COL23A1: variants seen among roughly 807,000 people sequenced by gnomAD.
The protein encoded by COL23A1 is collagen type XXIII alpha 1 chain.
In COL23A1, 97 loss-of-function variants were observed where a neutral mutation model predicts 99.3. That is an observed-to-expected ratio of 0.98 (90% confidence interval 0.83 to 1.16). The LOEUF (loss-of-function observed/expected upper bound fraction) is 1.16. COL23A1 is among the 50% of genes most tolerant of loss of function. The probability of loss-of-function intolerance (pLI) is 0.00; values close to 1 mark genes in which losing one functional copy is unlikely to be tolerated. For synonymous variants in COL23A1, 320 were observed against 308.2 expected, an observed-to-expected ratio of 1.04 and a Z score of -0.40; for missense variants, 762 against 757.4, an observed-to-expected ratio of 1.01 and a Z score of -0.07.
At position 178,517,382 on chromosome 5, in the gene COL23A1, C is replaced by G. The variant is rs149629197; in HGVS notation, c.361+43300G>C. Among the ~76,000 whole-genome samples the G allele has an allele frequency of 1.7e-3, 252 of 152,212 alleles. 2 individuals are homozygous for G. The highest frequency in any genetic ancestry group is 0.015 in the Admixed American group (236 of 15,288). ...TGCTCCCCTGAGATCTGTCTATACACGGGCACTGTGGAGGGAGAGGGCCCA... is the reference window on the plus strand; with the variant it reads ...TGCTCCCCTGAGATCTGTCTATACAGGGGCACTGTGGAGGGAGAGGGCCCA... On this transcript the variant is annotated intron_variant, in intron 2 of 28. Transcript: ENST00000390654.
At chr5:178,419,686 G>A (rs537587285) in intron 2 of COL23A1, among the ~76,000 whole-genome samples, 1 of 152,256 alleles carries the variant, frequency 6.6e-6, no homozygotes, top group African/African-American at 2.4e-5. Context: ...GAAGGACTCA[G>A]TACTTCTATA....
chr5:178,275,815 G>C (rs1264713894), intron 5 of COL23A1, among the ~76,000 whole-genome samples: 3 of 152,154 alleles, frequency 2.0e-5, no homozygotes, highest in Non-Finnish European at 4.4e-5. Context: ...ACATCCTGCT[G>C]ATTTCAGCCC....
intron 2 of COL23A1, among the ~76,000 whole-genome samples, chr5:178,454,326 CA>C (rs2127876064): frequency 6.6e-6 from 1 of 152,296 alleles, no homozygotes; most frequent in African/African-American, 2.4e-5. Flanking sequence ...CAACTCAGAT[CA>C]AAAAGTGAAC....
chr5:178,460,021 C>T (rs991470778), intron 2 of COL23A1, among the ~76,000 whole-genome samples: 5 of 152,084 alleles, frequency 3.3e-5, no homozygotes, highest in Admixed American at 2.6e-4. Context: ...TTTATATTTT[C>T]TGTTTTCTAT....
At position 178,439,458 on chromosome 5, in the gene COL23A1, A is replaced by C. The variant is rs1766744070; in HGVS notation, c.361+121224T>G. 2 of 152,240 alleles carry C rather than the reference A, an allele frequency of 1.3e-5. No homozygotes were observed. Among genetic ancestry groups the C allele is most frequent in the Non-Finnish European group, 2.9e-5 (2 of 68,118 alleles). 9.4% of individuals were successfully genotyped at this position (152,240 alleles called of 1,614,324 possible). On this transcript the variant is annotated intron_variant, in intron 2 of 28. Coordinates refer to ENST00000390654, the MANE Select transcript of COL23A1 (RefSeq NM_173465.4). This position sits in a 1 kb window ranked among gnomAD's most constrained non-coding sequence, Gnocchi z 4.2. ...GAGCCGGAGCTTTAGCCTAGGACCC[A>C]GACTTCTCCCTCCTGCCTCTTCCTT...
intron 5 of COL23A1, among the ~76,000 whole-genome samples, chr5:178,272,182 C>G (rs375990074): frequency 6.6e-6 from 1 of 152,360 alleles, no homozygotes; most frequent in South Asian, 2.1e-4. Flanking sequence ...GGCAGCTCGT[C>G]CCCCGGGACA....
At chr5:178,558,937 C>T (rs889920895) in intron 2 of COL23A1, among the ~76,000 whole-genome samples, 11 of 152,176 alleles carry the variant, frequency 7.2e-5, no homozygotes, top group African/African-American at 1.9e-4. Context: ...TACAGGCATG[C>T]GCCACCATGC....
At chr5:178,369,133 G>A (rs1424361175) in intron 2 of COL23A1, among the ~76,000 whole-genome samples, 1 of 152,220 alleles carries the variant, frequency 6.6e-6, no homozygotes, top group Non-Finnish European at 1.5e-5. Flanking sequence ...GGGTCAGGAG[G>A]GACAGCATCA....
At position 178,560,689 on chromosome 5, in the gene COL23A1, G is replaced by A. The variant is rs1762513463; in HGVS notation, c.354C>T (p.Cys118=). The A allele has an allele frequency of 2.5e-6, 4 of 1,612,760 alleles. No homozygotes were observed. Among genetic ancestry groups the A allele is most frequent in the South Asian group, 2.2e-5 (2 of 90,736 alleles). The change falls in exon 2 of 29, where the codon TGC becomes TGT. Residue 118 remains cysteine, a synonymous_variant. Transcript: ENST00000390654. ...AGCTCAACCTTCACTTACCTGGGGG[G>A]CAGACACATTCGGATGGAGCTTCCC... ...TAREAPSECV[C]PPGPPGRRGK... is the part of the protein sequence containing the mutation.
At chr5:178,474,535 AT>A (rs1756927328) in intron 2 of COL23A1, among the ~76,000 whole-genome samples, 1 of 145,606 alleles carries the variant, frequency 6.9e-6, no homozygotes, top group Non-Finnish European at 1.5e-5. Context: ...AAAAAAAAAA[AT>A]TTGTATTGAA....
intron 5 of COL23A1, among the ~76,000 whole-genome samples, chr5:178,283,262 C>T (rs933988644): frequency 6.6e-6 from 1 of 152,138 alleles, no homozygotes; most frequent in Non-Finnish European, 1.5e-5. Flanking sequence ...CTACTTGGTG[C>T]AGCTCTGGGA....
intron 2 of COL23A1, among the ~76,000 whole-genome samples, chr5:178,394,532 T>C (rs1431265839): frequency 6.6e-6 from 1 of 152,238 alleles, no homozygotes; most frequent in African/African-American, 2.4e-5. Flanking sequence ...AAAGCCACGA[T>C]GTTCCGGCCT....
intron 2 of COL23A1, among the ~76,000 whole-genome samples, chr5:178,350,302 G>C (rs1346491816): frequency 6.6e-6 from 1 of 152,174 alleles, no homozygotes; most frequent in African/African-American, 2.4e-5. Context: ...TTTGCGCTTG[G>C]ATATCATCAG....
intron 2 of COL23A1, among the ~76,000 whole-genome samples, chr5:178,447,974 C>T (rs1354813832): frequency 6.6e-6 from 1 of 152,122 alleles, no homozygotes; most frequent in Non-Finnish European, 1.5e-5. Flanking sequence ...TCAGGAGGAA[C>T]CCACACTCGA....
chr5:178,475,260 T>C (rs1239378060), intron 2 of COL23A1, among the ~76,000 whole-genome samples: 3 of 152,224 alleles, frequency 2.0e-5, no homozygotes, highest in Non-Finnish European at 2.9e-5. Context: ...ATGTTAAATT[T>C]AACACATAAC....
rs1405665761 is a variant in COL23A1, at chr5:178,483,035, G to T, written c.361+77647C>A. Among the ~76,000 whole-genome samples, 2 of 152,050 alleles carry T rather than the reference G, an allele frequency of 1.3e-5. 1 individual carries two copies. Among genetic ancestry groups the T allele is most frequent in the African/African-American group, 4.8e-5 (2 of 41,388 alleles). On this transcript the variant is annotated intron_variant, in intron 2 of 28. Coordinates refer to ENST00000390654, the MANE Select transcript of COL23A1 (RefSeq NM_173465.4). ...TGCAGTGAGTTATGATCACACCACTGCACACCAGCCTGGGAAACAGAGTAA... is the reference window on the plus strand; with the variant it reads ...TGCAGTGAGTTATGATCACACCACTTCACACCAGCCTGGGAAACAGAGTAA...
intron 2 of COL23A1, among the ~76,000 whole-genome samples, chr5:178,467,939 A>G (rs551589715): frequency 1.3e-5 from 2 of 152,312 alleles, no homozygotes; most frequent in East Asian, 3.9e-4. Context: ...CAGAGGCGTT[A>G]GCGACACACG....
rs574176069 is a variant in COL23A1, at chr5:178,387,337, G to A, written c.362-80418C>T. Among the ~76,000 whole-genome samples, 17 of 152,168 alleles carry A rather than the reference G, an allele frequency of 1.1e-4. No homozygotes were observed. Among genetic ancestry groups the A allele is most frequent in the Admixed American group, 9.2e-4 (14 of 15,292 alleles). The stretch of plus-strand genomic sequence containing the variant: ...ACATGCCCTTCAAATGTCCAGCCCT[G>A]GTCAAACTGACCCGCTCACAAGTCT... On this transcript the variant is annotated intron_variant, in intron 2 of 28. Transcript: ENST00000390654. This position sits in a 1 kb window ranked among gnomAD's most constrained non-coding sequence, Gnocchi z 4.7.
intron 2 of COL23A1, among the ~76,000 whole-genome samples, chr5:178,360,202 C>G (rs919591720): frequency 3.9e-5 from 6 of 152,202 alleles, no homozygotes; most frequent in African/African-American, 1.4e-4. Context: ...AGAGATTTCT[C>G]GGTTGGCCCC....
Sources: gnomAD v4.1 joint callset for allele counts (sites outside exome capture counted in the v4.1 genomes callset) on GRCh38, gnomAD v4.1.1 for gene constraint, Gnocchi (gnomAD v3.1) non-coding constraint, MANE v1.5 for transcripts, NCBI Gene and HGNC (gene_info 2026-07-23, HGNC 2026-07-21) for gene names.